The following GLIS1 variants were observed in gnomAD, a reference collection of about 807,000 sequenced individuals.
The protein encoded by GLIS1 is GLIS family zinc finger 1, also known as zinc finger protein GLIS1.
In GLIS1, 24 loss-of-function variants were observed where a neutral mutation model predicts 63.8. The ratio of observed to expected loss-of-function variants is 0.38; its 90% CI spans 0.27 to 0.53. GLIS1 has a LOEUF of 0.53. Among genes scored for constraint, GLIS1 ranks in the 20% least tolerant of loss-of-function variants. The probability of loss-of-function intolerance (pLI) is 0.85; values close to 1 mark genes in which losing one functional copy is unlikely to be tolerated. For synonymous variants in GLIS1, 450 were observed against 482.5 expected (o/e 0.93, Z 0.88); for missense variants, 1,036 against 1,074.1 (o/e 0.96, Z 0.50).
intron 2 of GLIS1, among the ~76,000 whole-genome samples, chr1:53,716,121 AG>A (rs914410184): frequency 6.6e-6 from 1 of 152,148 alleles, no homozygotes. Context: ...GCTCCCACAG[AG>A]GAGGGGAGGC....
intron 7 of GLIS1, 22 bp downstream of exon 7, chr1:53,520,611 GC>G: frequency 6.3e-7 from 1 of 1,592,378 alleles, no homozygotes; most frequent in Non-Finnish European, 8.5e-7. Context: ...TACGCCCCTG[GC>G]CCTGCCTCCC....
rs1375030469 is a variant in GLIS1 at position 53,598,020 on chromosome 1, A to G, written c.437+2081T>C. On this transcript the variant is annotated intron_variant, in intron 3 of 10. Transcript: ENST00000628545. This position sits in a 1 kb window ranked among gnomAD's most constrained non-coding sequence, Gnocchi z 4.6. The stretch of plus-strand genomic sequence containing the variant: ...TTGGGTACCACTGGGGAGCCTCCAG[A>G]GAAGAATCCAGCAGATAAATGCATT... Among the ~76,000 whole-genome samples, 1 of 152,218 alleles carries G rather than the reference A, an allele frequency of 6.6e-6. No homozygotes were observed. Among genetic ancestry groups the G allele is most frequent in the African/African-American group, 2.4e-5 (1 of 41,462 alleles).
intron 4 of GLIS1, among the ~76,000 whole-genome samples, chr1:53,587,018 G>C (rs969032919): frequency 2.6e-5 from 4 of 152,200 alleles, no homozygotes; most frequent in African/African-American, 7.2e-5. Context: ...CAGAGAAAGG[G>C]GGAGCTAAGG....
chr1:53,638,384 C>G (rs1006360814), intron 2 of GLIS1, among the ~76,000 whole-genome samples: 7 of 118,636 alleles, frequency 5.9e-5, no homozygotes, highest in African/African-American at 1.7e-4. Flanking sequence ...GACACTGGCC[C>G]CAAGGGGCAG....
rs544140878 is a variant in GLIS1 at position 53,560,396 on chromosome 1, G to A, written c.1321-30444C>T. Among the ~76,000 whole-genome samples the A allele has an allele frequency of 1.4e-4, 21 of 152,320 alleles. No individual in the cohort carries two copies. The highest frequency in any genetic ancestry group is 5.1e-4 in the African/African-American group (21 of 41,570). On this transcript the variant is annotated intron_variant, in intron 4 of 10. Transcript: ENST00000628545. The surrounding 1 kb of genome is among the most constrained non-coding windows in gnomAD (Gnocchi z 4.4). Reference sequence around the variant, plus strand: ...CACCTGGGCCTCACGAGTCAGGCAGGAGCTCGCTCCCTGTTTGCAAGGGCA... The same window carrying A: ...CACCTGGGCCTCACGAGTCAGGCAGAAGCTCGCTCCCTGTTTGCAAGGGCA...
At chr1:53,529,678 C>T in intron 5 of GLIS1, 113 bp downstream of exon 5, 1 of 1,122,444 alleles carries the variant, frequency 8.9e-7, no homozygotes, top group Non-Finnish European at 1.3e-6. Flanking sequence ...CCAAGCATCT[C>T]CTGCCCCAAA....
rs200454710 is a variant in GLIS1, at chr1:53,539,214, CCCAACACACA to C, written c.1321-9272_1321-9263del. On this transcript the variant is annotated intron_variant, in intron 4 of 10. Coordinates refer to ENST00000628545, the MANE Select transcript of GLIS1 (RefSeq NM_001367484.1). This position sits in a 1 kb window ranked among gnomAD's most constrained non-coding sequence, Gnocchi z 5.0. Reference sequence around the variant, plus strand: ...AACCAAGCCACACGTCGGAGACAGCCCCAACACACACCAACACACACACATGGATTCACAC... The same window carrying C: ...AACCAAGCCACACGTCGGAGACAGCCCCAACACACACACATGGATTCACAC... Among the ~76,000 whole-genome samples the C allele has an allele frequency of 0.027, 4,060 of 151,770 alleles. 168 individuals carry two copies. Among genetic ancestry groups the C allele is most frequent in the African/African-American group, 0.09 (3,726 of 41,284 alleles).
intron 2 of GLIS1, among the ~76,000 whole-genome samples, chr1:53,675,373 C>T (rs1348452528): frequency 6.6e-6 from 1 of 152,138 alleles, no homozygotes; most frequent in African/African-American, 2.4e-5. Context: ...TCACACAGCT[C>T]AAGCAGGGTC....
At chr1:53,554,149 CCCTT>C (rs1196185060) in intron 4 of GLIS1, among the ~76,000 whole-genome samples, 3 of 152,188 alleles carry the variant, frequency 2.0e-5, no homozygotes, top group Non-Finnish European at 4.4e-5. Flanking sequence ...TGACCACAGC[CCCTT>C]CTGTCACCTG....
intron 4 of GLIS1, among the ~76,000 whole-genome samples, chr1:53,590,793 G>C (rs1645184681): frequency 8.0e-6 from 1 of 125,670 alleles, no homozygotes; most frequent in Admixed American, 7.2e-5. Context: ...CAGAGGGCAG[G>C]GTGGGGGATG....
In GLIS1 at chr1:53,683,368, C is replaced by T. The variant is rs555129944; in HGVS notation, c.259+54438G>A. On this transcript the variant is annotated intron_variant, in intron 2 of 10. Transcript: ENST00000628545. Reference sequence around the variant, plus strand: ...CTGAGCCCCCCCAACCAAAGGCCTCCTAACTTGTGGAGCACAATGACCATG... The same window carrying T: ...CTGAGCCCCCCCAACCAAAGGCCTCTTAACTTGTGGAGCACAATGACCATG... 2.6e-5 allele frequency among the ~76,000 whole-genome samples: 4 copies of T among 152,078 alleles called. No individual in the cohort carries two copies. In the East Asian group the frequency reaches 5.8e-4, roughly 22 times the overall value.
At chr1:53,513,436 A>C (rs1644318527) in intron 8 of GLIS1, among the ~76,000 whole-genome samples, 1 of 152,110 alleles carries the variant, frequency 6.6e-6, no homozygotes, top group African/African-American at 2.4e-5. Context: ...GTCACCCCAC[A>C]CAATGACTCA....
intron 4 of GLIS1, among the ~76,000 whole-genome samples, chr1:53,571,844 C>T (rs1033549752): frequency 3.9e-5 from 6 of 152,178 alleles, no homozygotes; most frequent in Non-Finnish European, 8.8e-5. Flanking sequence ...TCCTAAAGTG[C>T]TGGGATTACA....
chr1:53,595,390 T>C (rs1240427408), intron 3 of GLIS1, among the ~76,000 whole-genome samples: 1 of 152,054 alleles, frequency 6.6e-6, no homozygotes, highest in Non-Finnish European at 1.5e-5. Context: ...TGTGGTGGTG[T>C]GCACCTGTAG....
chr1:53,633,207 TGAG>T (rs1197576847), intron 2 of GLIS1, among the ~76,000 whole-genome samples: 9 of 137,224 alleles, frequency 6.6e-5, no homozygotes, highest in South Asian at 2.4e-4. Context: ...TGAATGTGAC[TGAG>T]GAGTGTGAAT....
intron 4 of GLIS1, among the ~76,000 whole-genome samples, chr1:53,576,838 C>A (rs1645036646): frequency 6.6e-6 from 1 of 152,154 alleles, no homozygotes; most frequent in South Asian, 2.1e-4. Context: ...GTCTGCTGTG[C>A]AGTCAGTTTT....
chr1:53,711,673 G>T (rs1223713249), intron 2 of GLIS1, among the ~76,000 whole-genome samples: 1 of 152,204 alleles, frequency 6.6e-6, no homozygotes, highest in South Asian at 2.1e-4. Context: ...ATAGGGAAAA[G>T]AACTGTTTCA....
chr1:53,542,173 C>T (rs1377139945), intron 4 of GLIS1, among the ~76,000 whole-genome samples: 2 of 152,224 alleles, frequency 1.3e-5, no homozygotes, highest in East Asian at 3.9e-4. Flanking sequence ...TGAGGATATC[C>T]CCTTCCCTGA....
intron 4 of GLIS1, among the ~76,000 whole-genome samples, chr1:53,561,013 T>G (rs566676167): frequency 7.2e-5 from 11 of 152,240 alleles, no homozygotes; most frequent in Middle Eastern, 3.4e-3. Flanking sequence ...GCCCCTACTG[T>G]GTGCCCCCAG....
Sources: gnomAD v4.1 joint callset for allele counts (sites outside exome capture counted in the v4.1 genomes callset) on GRCh38, gnomAD v4.1.1 for gene constraint, Gnocchi (gnomAD v3.1) non-coding constraint, MANE v1.5 for transcripts, NCBI Gene and HGNC (gene_info 2026-07-23, HGNC 2026-07-21) for gene names.